COL24A1: variants seen among roughly 807,000 people sequenced by gnomAD.
The protein encoded by COL24A1 is collagen type XXIV alpha 1 chain, also known as collagen alpha-1(XXIV) chain.
Under a neutral mutation model 253.9 loss-of-function variants are expected in COL24A1, and 224 were observed. That is an observed-to-expected ratio of 0.88 (90% CI 0.79 to 0.99). COL24A1 has a LOEUF of 0.99. Among genes scored for constraint, COL24A1 ranks in the 50% least tolerant of loss-of-function variants. COL24A1 has a pLI of 0.00. For missense variants in COL24A1, 2,131 were observed against 2,068.5 expected (o/e 1.03, Z -0.59); for synonymous variants, 685 against 673.7 (o/e 1.02, Z -0.26).
At chr1:85,762,080 G>A (rs1666901393) in intron 53 of COL24A1, among the ~76,000 whole-genome samples, 1 of 152,122 alleles carries the variant, frequency 6.6e-6, no homozygotes, top group South Asian at 2.1e-4. Context: ...AATTAGAAAA[G>A]TGAAAAGGTG....
intron 37 of COL24A1, among the ~76,000 whole-genome samples, chr1:85,866,361 T>G (rs984367795): frequency 6.6e-6 from 1 of 152,232 alleles, no homozygotes; most frequent in African/African-American, 2.4e-5. Context: ...CTTAGCTTTT[T>G]CTAAGTTTTT....
In COL24A1 at chr1:85,833,477, A is replaced by C. The variant is rs546123530; in HGVS notation, c.3681+5108T>G. On this transcript the variant is annotated intron_variant, in intron 43 of 59. Coordinates refer to ENST00000370571, the MANE Select transcript of COL24A1 (RefSeq NM_152890.7). ...AAAGTCAGGAAACAACAGGTGCTGG[A>C]GAGGATGTGGAGAAATAGGAACACT... 6.5e-4 allele frequency among the ~76,000 whole-genome samples: 99 copies of C among 152,302 alleles called. 2 individuals are homozygous for C. In the South Asian group the frequency reaches 0.018, roughly 28 times the overall value.
At chr1:85,768,321 T>C (rs989830815) in intron 53 of COL24A1, among the ~76,000 whole-genome samples, 2 of 152,036 alleles carry the variant, frequency 1.3e-5, no homozygotes, top group African/African-American at 4.8e-5. Flanking sequence ...GAAGAAGTCA[T>C]AGGGAGGTGT....
At chr1:85,981,251 G>C (rs144628968) in intron 20 of COL24A1, among the ~76,000 whole-genome samples, 1,657 of 152,080 alleles carry the variant, frequency 0.011, 26 homozygotes, top group Middle Eastern at 0.034. Context: ...TCCAAACTAG[G>C]CTATAGTTAC....
intron 37 of COL24A1, among the ~76,000 whole-genome samples, chr1:85,857,105 T>C (rs2102399302): frequency 6.6e-6 from 1 of 152,302 alleles, no homozygotes; most frequent in East Asian, 1.9e-4. Flanking sequence ...AGATCTTTTT[T>C]GCAATTACTC....
At position 85,771,778 on chromosome 1, in the gene COL24A1, T is replaced by TTTTATTTATTTATTTATTTA. The variant is rs200015208; in HGVS notation, c.4374+3876_4374+3895dup. Reference sequence around the variant, plus strand: ...TCCAGCATCTGTTGTTGCCTGACTTTTTTATTTATTTATTTATTTATTTAT... The same window carrying TTTTATTTATTTATTTATTTA: ...TCCAGCATCTGTTGTTGCCTGACTTTTTTATTTATTTATTTATTTATTTATTTATTTATTTATTTATTTAT... On this transcript the variant is annotated intron_variant, in intron 53 of 59. Coordinates refer to ENST00000370571, the MANE Select transcript of COL24A1 (RefSeq NM_152890.7). 4.8e-3 allele frequency among the ~76,000 whole-genome samples: 701 copies of TTTTATTTATTTATTTATTTA among 146,582 alleles called. 2 individuals are homozygous for TTTTATTTATTTATTTATTTA. Among genetic ancestry groups the TTTTATTTATTTATTTATTTA allele is most frequent in the Non-Finnish European group, 6.5e-3 (433 of 66,598 alleles).
intron 53 of COL24A1, among the ~76,000 whole-genome samples, chr1:85,769,626 T>G (rs1257207356): frequency 6.6e-6 from 1 of 151,852 alleles, no homozygotes; most frequent in African/African-American, 2.4e-5. Flanking sequence ...AGCCAGGAAG[T>G]GCGACGAGAG....
At chr1:85,961,207 G>C (rs2100675227) in intron 24 of COL24A1, 42 bp downstream of exon 24, 1 of 1,406,556 alleles carries the variant, frequency 7.1e-7, no homozygotes, top group Middle Eastern at 1.8e-4. Context: ...TCCTAAAAAT[G>C]CTTACAGCTG....
chr1:86,054,706 G>A (rs752518254), intron 10 of COL24A1, among the ~76,000 whole-genome samples: 5 of 152,182 alleles, frequency 3.3e-5, no homozygotes, highest in Non-Finnish European at 7.4e-5. Context: ...ATGCAAATTA[G>A]TTCAGCCCCT....
At chr1:86,072,100 G>A (rs1230208275) in intron 7 of COL24A1, among the ~76,000 whole-genome samples, 4 of 152,152 alleles carry the variant, frequency 2.6e-5, no homozygotes, top group Non-Finnish European at 5.9e-5. Context: ...GGGAGACAAC[G>A]AGCTAGCTGC....
chr1:85,818,770 A>G (rs542722754), intron 45 of COL24A1, among the ~76,000 whole-genome samples: 79 of 152,322 alleles, frequency 5.2e-4, no homozygotes, highest in South Asian at 1.4e-3. Context: ...AATGTGGAAA[A>G]GGTGACTTGG....
chr1:85,944,474 A>T (rs1275293039), intron 24 of COL24A1, among the ~76,000 whole-genome samples: 1 of 152,182 alleles, frequency 6.6e-6, no homozygotes, highest in Non-Finnish European at 1.5e-5. Flanking sequence ...TTTTAAAAAA[A>T]TTTTAAATTA....
intron 7 of COL24A1, among the ~76,000 whole-genome samples, chr1:86,088,248 A>T (rs963833273): frequency 2.0e-5 from 3 of 152,162 alleles, no homozygotes; most frequent in African/African-American, 7.2e-5. Context: ...TTGGGGTTTG[A>T]ACGAAGCAAC....
intron 43 of COL24A1, among the ~76,000 whole-genome samples, chr1:85,832,386 C>CCTT: frequency 6.6e-6 from 1 of 152,048 alleles, no homozygotes; most frequent in South Asian, 2.1e-4. Flanking sequence ...GTCCTTTTGG[C>CCTT]TTAGGTTGAC....
At chr1:85,821,133 TG>T (rs766432624) in intron 45 of COL24A1, among the ~76,000 whole-genome samples, 6 of 152,214 alleles carry the variant, frequency 3.9e-5, no homozygotes, top group Non-Finnish European at 7.3e-5. Flanking sequence ...TCTTGGTCTT[TG>T]AGAGTCATTA....
intron 12 of COL24A1, among the ~76,000 whole-genome samples, chr1:86,038,442 C>A (rs536143357): frequency 3.9e-5 from 6 of 152,252 alleles, no homozygotes; most frequent in Non-Finnish European, 5.9e-5. Context: ...CACTTAAAAA[C>A]CTTCATGGCA....
intron 45 of COL24A1, among the ~76,000 whole-genome samples, 190 bp from the exon 46 acceptor site, chr1:85,818,277 C>G (rs749325211): frequency 2.6e-5 from 4 of 152,124 alleles, no homozygotes; most frequent in Non-Finnish European, 5.9e-5. Flanking sequence ...TTGACAAGAT[C>G]ATCTAGTAAT....
At chr1:85,858,709 T>A (rs1282534927) in intron 37 of COL24A1, among the ~76,000 whole-genome samples, 1 of 147,848 alleles carries the variant, frequency 6.8e-6, no homozygotes, top group African/African-American at 2.5e-5. Flanking sequence ...CCTCCGTCCC[T>A]GCTTCCCTTC....
intron 47 of COL24A1, among the ~76,000 whole-genome samples, chr1:85,802,759 C>G (rs576339540): frequency 6.6e-6 from 1 of 152,258 alleles, no homozygotes; most frequent in Admixed American, 6.5e-5. Context: ...CTTCTATCTC[C>G]TGAAAACCCG....
Sources: gnomAD v4.1 joint callset for allele counts (sites outside exome capture counted in the v4.1 genomes callset) on GRCh38, gnomAD v4.1.1 for gene constraint, MANE v1.5 for transcripts, NCBI Gene and HGNC (gene_info 2026-07-23, HGNC 2026-07-21) for gene names.